Variants in SIM1 observed in about 807,000 individuals in gnomAD.
SIM1 encodes SIM bHLH transcription factor 1, also known as single-minded homolog 1.
Under a neutral mutation model 78.2 loss-of-function variants are expected in SIM1, and 18 were observed. The observed-to-expected ratio is 0.23, with a 90% confidence interval of 0.16 to 0.34. The LOEUF is 0.34. SIM1 is among the 10% of genes least tolerant of loss of function. The pLI is 1.00. For synonymous variants in SIM1, 417 were observed against 385.2 expected (o/e 1.08, Z -0.97); for missense variants, 939 against 975.1 (o/e 0.96, Z 0.49).
chr6:100,400,067 GTTATGAATAT>G (rs1770868820), intron 10 of SIM1, among the ~76,000 whole-genome samples: 1 of 151,890 alleles, frequency 6.6e-6, no homozygotes, highest in Non-Finnish European at 1.5e-5. Context: ...AGATAGAAAT[GTTATGAATAT>G]TTATGCACCA....
At chr6:100,445,474 G>A (rs969804312) in intron 9 of SIM1, among the ~76,000 whole-genome samples, 2 of 152,092 alleles carry the variant, frequency 1.3e-5, no homozygotes, top group Admixed American at 1.3e-4. Flanking sequence ...TAAATGTGAT[G>A]TAAAGTTGAT....
In SIM1 at chr6:100,448,084, C is replaced by A. The variant is rs935863497; in HGVS notation, c.850+62G>T. 6 of 1,368,404 alleles carry A rather than the reference C, an allele frequency of 4.4e-6. No individual in the cohort carries two copies. The Admixed American group carries it at 1.2e-4, about 26-fold the overall frequency. 84.8% of individuals were successfully genotyped at this position (1,368,404 alleles called of 1,614,324 possible). On this transcript the variant is annotated intron_variant, in intron 8 of 11. Coordinates refer to ENST00000369208, the MANE Select transcript of SIM1 (RefSeq NM_005068.3). ...TGCGAGGGATTTAAATCGTGGCTCC[C>A]CCACCCCCTAACCAGCGGATGCGCC...
intron 3 of SIM1, among the ~76,000 whole-genome samples, 187 bp downstream of exon 3, chr6:100,453,575 C>T (rs1015677367): frequency 6.6e-6 from 1 of 152,058 alleles, no homozygotes; most frequent in African/African-American, 2.4e-5. Flanking sequence ...TCTGCAAAAG[C>T]TAAAATTTTA....
intron 3 of SIM1, 126 bp from the exon 4 acceptor site, chr6:100,450,482 G>A: frequency 2.6e-6 from 2 of 771,650 alleles, no homozygotes; most frequent in Non-Finnish European, 2.2e-6. Context: ...AGGTTTGGCA[G>A]GAAACAGGGC....
chr6:100,442,810 T>C (rs1020303356), intron 9 of SIM1, among the ~76,000 whole-genome samples: 12 of 152,174 alleles, frequency 7.9e-5, no homozygotes, highest in African/African-American at 2.6e-4. Flanking sequence ...TTTTTAAAAA[T>C]TTGAAAACCC....
chr6:100,404,145 A>G (rs1013702233), intron 10 of SIM1, among the ~76,000 whole-genome samples: 2 of 152,156 alleles, frequency 1.3e-5, no homozygotes, highest in African/African-American at 4.8e-5. Context: ...AATCACTCAA[A>G]CAGTCTCATA....
intron 10 of SIM1, among the ~76,000 whole-genome samples, chr6:100,396,708 G>A (rs1185852951): frequency 6.6e-6 from 1 of 152,136 alleles, no homozygotes; most frequent in Non-Finnish European, 1.5e-5. Context: ...TCAAAACTCT[G>A]AGCCACGTTC....
intron 10 of SIM1, among the ~76,000 whole-genome samples, chr6:100,407,920 C>T (rs994778404): frequency 6.6e-6 from 1 of 152,036 alleles, no homozygotes; most frequent in Admixed American, 6.6e-5. Context: ...AATATTTTCT[C>T]TCACTCCAAA....
At chr6:100,419,892 C>T (rs1023865712) in intron 10 of SIM1, among the ~76,000 whole-genome samples, 2 of 152,108 alleles carry the variant, frequency 1.3e-5, no homozygotes, top group African/African-American at 2.4e-5. Flanking sequence ...TCCCCCACCT[C>T]GACCTCCCAA....
At chr6:100,411,993 G>C (rs1395659526) in intron 10 of SIM1, among the ~76,000 whole-genome samples, 2 of 152,146 alleles carry the variant, frequency 1.3e-5, no homozygotes, top group Non-Finnish European at 2.9e-5. Context: ...ACCAACAAGA[G>C]AGAATGCGGG....
intron 9 of SIM1, among the ~76,000 whole-genome samples, chr6:100,426,205 T>G (rs1030162831): frequency 1.3e-5 from 2 of 152,224 alleles, no homozygotes; most frequent in African/African-American, 2.4e-5. Context: ...ATGGGAAATT[T>G]GCAATCACTA....
In SIM1 at chr6:100,390,532, A is replaced by T; in HGVS notation, c.2130T>A (p.Ala710=). 1 of 1,614,156 alleles carries T rather than the reference A, an allele frequency of 6.2e-7. No individual in the cohort carries two copies. The highest frequency in any genetic ancestry group is 1.3e-5 in the African/African-American group (1 of 75,034). ...CCAGGGCATATCCAGTTAATGTGTAAGCATGCTTGTCAAAATACTGCCGGT... is the reference window on the plus strand; with the variant it reads ...CCAGGGCATATCCAGTTAATGTGTATGCATGCTTGTCAAAATACTGCCGGT... ...GSHRQYFDKH[A]YTLTGYALEH... The change falls in exon 12 of 12, where the codon GCT becomes GCA. Residue 710 remains alanine, a synonymous_variant. Transcript: ENST00000369208.
Position 100,390,894 on chromosome 6 carries a change from C to G in SIM1, c.1768G>C (p.Asp590His), listed in dbSNP as rs1377252112. 4.3e-6 allele frequency: 7 copies of G among 1,613,996 alleles called. No individual in the cohort carries two copies. The African/African-American group carries it at 9.3e-5, about 22-fold the overall frequency. The change falls in exon 12 of 12, where the codon GAC becomes CAC. Residue 590 changes from aspartate to histidine, a missense_variant. Coordinates refer to ENST00000369208, the MANE Select transcript of SIM1 (RefSeq NM_005068.3). ...GCCCCATTAATGGAAGCCAGTTGGT[C>G]TGAGGGGGCTTTCCTTAGCTGTAAT... is the stretch of plus-strand genomic sequence containing the variant. The part of the protein sequence containing the change: ...NRLQLRKAPS[D>H]QLASINGAGK...
In SIM1 at chr6:100,390,559, A is replaced by T; in HGVS notation, c.2103T>A (p.Ser701=). The change falls in exon 12 of 12, where the codon TCT becomes TCA. Residue 701 remains serine (S), a synonymous_variant. Transcript: ENST00000369208. ...HPTVSPNCFG[S]HRQYFDKHAY... ...CATGCTTGTCAAAATACTGCCGGTG[A>T]GAGCCAAAGCAGTTTGGAGAGACAG... The T allele has an allele frequency of 6.2e-7, 1 of 1,614,168 alleles. No individual in the cohort carries two copies. Among genetic ancestry groups the T allele is most frequent in the Non-Finnish European group, 8.5e-7 (1 of 1,180,026 alleles).
chr6:100,393,604 C>T lies in SIM1; in HGVS notation c.1453G>A (p.Gly485Arg), dbSNP rs1381875931. The change falls in exon 11 of 12, where the codon GGG becomes AGG. Residue 485 changes from glycine to arginine, a missense_variant. By Grantham distance (125) the Gly-to-Arg change is moderately radical. Around this residue, in one of 5 missense-constraint regions of SIM1, gnomAD observed 556 missense variants for 521.9 expected, o/e 1.07. Transcript: ENST00000369208. ...CGAGAGCCCCACCAGGGCTCCCTCC[C>T]GGCCTGCGGCGTTCCCAGGAAGTAC... Reference protein sequence around the residue: ...GRYFLGTPQAGREPWWGSRAA... With the variant: ...GRYFLGTPQARREPWWGSRAA... 1.2e-6 allele frequency: 2 copies of T among 1,613,940 alleles called. No homozygotes were observed. The highest frequency in any genetic ancestry group is 8.5e-7 in the Non-Finnish European group (1 of 1,179,918).
At chr6:100,401,086 G>T (rs1403056689) in intron 10 of SIM1, among the ~76,000 whole-genome samples, 1 of 152,064 alleles carries the variant, frequency 6.6e-6, no homozygotes, top group Non-Finnish European at 1.5e-5. Flanking sequence ...TGTGCCTCTG[G>T]ATGTGACAGA....
At chr6:100,431,763 C>T (rs1156701709) in intron 9 of SIM1, among the ~76,000 whole-genome samples, 5 of 152,154 alleles carry the variant, frequency 3.3e-5, no homozygotes, top group Non-Finnish European at 7.4e-5. Context: ...TGAGAAAGTT[C>T]CCTGGCCATG....
At chr6:100,404,439 G>C (rs148788941) in intron 10 of SIM1, among the ~76,000 whole-genome samples, 229 of 152,256 alleles carry the variant, frequency 1.5e-3, no homozygotes, top group Middle Eastern at 6.8e-3. Context: ...TATCAGGCAT[G>C]AGCAGCTTTC....
intron 10 of SIM1, among the ~76,000 whole-genome samples, chr6:100,405,624 A>T (rs988250448): frequency 1.8e-4 from 28 of 152,164 alleles, no homozygotes; most frequent in Non-Finnish European, 3.4e-4. Context: ...GAAATCTTTT[A>T]TACATGTAAA....
Sources: gnomAD v4.1 joint callset for allele counts (sites outside exome capture counted in the v4.1 genomes callset) on GRCh38, gnomAD v4.1.1 for gene constraint, gnomAD v4.1.1 regional missense constraint, MANE v1.5 for transcripts, NCBI Gene and HGNC (gene_info 2026-07-23, HGNC 2026-07-21) for gene names.